Variants in ABHD2 observed in about 807,000 individuals in gnomAD.
ABHD2 encodes the protein abhydrolase domain containing 2, acylglycerol lipase.
In ABHD2, 20 loss-of-function variants were observed where a neutral mutation model predicts 48.1. The ratio of observed to expected loss-of-function variants is 0.42; its 90% CI spans 0.29 to 0.60. The LOEUF is 0.60. Ranked by LOEUF, ABHD2 falls within the 20% of genes least tolerant of loss-of-function variation. ABHD2 has a pLI of 0.24. For missense variants in ABHD2, 405 were observed against 550.9 expected (o/e 0.74, Z 2.65); for synonymous variants, 209 against 214.2 (o/e 0.98, Z 0.21).
chr15:89,188,397 C>T lies in ABHD2; in HGVS notation c.926+94C>T. 9.2e-7 allele frequency: 1 copy of T among 1,086,278 alleles called. No individual in the cohort carries two copies. The highest frequency in any genetic ancestry group is 1.4e-6 in the Non-Finnish European group (1 of 727,686). The allele number at this position is 1,086,278 out of a possible 1,614,324, so 67.3% of individuals were successfully genotyped here. A position where few individuals can be genotyped will look rare whatever the true frequency, so the allele number is the denominator to read the frequency against. ...GTGCCCAGCACTAGTGTTTGCTCTG[C>T]CTACTTGAGTGTTAAGGGTGTTTTT... On this transcript the variant is annotated intron_variant, in intron 8 of 10. Transcript: ENST00000352732. This position sits in a 1 kb window ranked among gnomAD's most constrained non-coding sequence, Gnocchi z 4.1.
chr15:89,070,597 A>C, the ABHD2 span, among the ~76,000 whole-genome samples: 2 of 152,202 alleles, frequency 1.3e-5, no homozygotes, highest in African/African-American at 4.8e-5. Context: ...ATAAACACTC[A>C]GCAGATCTGG....
chr15:89,139,005 C>T (rs1343326615), intron 3 of ABHD2, among the ~76,000 whole-genome samples: 2 of 151,204 alleles, frequency 1.3e-5, no homozygotes, highest in South Asian at 2.1e-4. Flanking sequence ...TGCTTGAGCC[C>T]GGGAGATCAA....
At chr15:89,162,135 T>A (rs1253022836) in intron 5 of ABHD2, among the ~76,000 whole-genome samples, 1 of 152,164 alleles carries the variant, frequency 6.6e-6, no homozygotes, top group East Asian at 1.9e-4. Flanking sequence ...CATTCTGAGG[T>A]ACCGGGGGTT....
In ABHD2 at chr15:89,195,512, G is replaced by A; in HGVS notation, c.*89G>A. 2.8e-6 allele frequency: 4 copies of A among 1,416,398 alleles called. No individual in the cohort carries two copies. Among genetic ancestry groups the A allele is most frequent in the Non-Finnish European group, 3.8e-6 (4 of 1,053,864 alleles). 87.7% of individuals were successfully genotyped at this position (1,416,398 alleles called of 1,614,324 possible). A position where few individuals can be genotyped will look rare whatever the true frequency, so the allele number is the denominator to read the frequency against. On this transcript the variant is annotated 3_prime_UTR_variant, in exon 11 of 11. Transcript: ENST00000352732. This position sits in a 1 kb window ranked among gnomAD's most constrained non-coding sequence, Gnocchi z 5.1. ...TTTCAGGTCTCCCATCTCCCTCAGT[G>A]ACCTGGATCTGACCTCACACCATCA... is the stretch of plus-strand genomic sequence containing the variant.
rs547626631 is a variant in ABHD2, at chr15:89,165,143, C to A, written c.538+9609C>A. On this transcript the variant is annotated intron_variant, in intron 5 of 10. Transcript: ENST00000352732. ...CAATGCTTGCTTTCCAGCTGGACAA[C>A]CTTCAGTATTGGCCTCTTGGCCAAA... Among the ~76,000 whole-genome samples, 88 of 152,358 alleles carry A rather than the reference C, an allele frequency of 5.8e-4. 1 individual carries two copies. In the South Asian group the frequency reaches 0.016, roughly 28 times the overall value.
At chr15:89,115,367 GGTATGTGTGTGTGTGTGTGTGT>G (rs1169557756) in intron 2 of ABHD2, among the ~76,000 whole-genome samples, 4,930 of 117,538 alleles carry the variant, frequency 0.042, 160 homozygotes, top group African/African-American at 0.076. Flanking sequence ...TATGTTTGGA[GGTATGTGTGTGTGTGTGTGTGT>G]GTGTGTGTGT....
At chr15:89,103,838 G>A (rs958715626) in intron 1 of ABHD2, 4 of 152,286 alleles carry the variant, frequency 2.6e-5, no homozygotes, top group Non-Finnish European at 5.9e-5. Flanking sequence ...TGGAGGCCCA[G>A]TGTTGGGCTG....
Position 89,174,815 on chromosome 15 carries a change from G to A in ABHD2, c.539-997G>A, listed in dbSNP as rs560759452. Among the ~76,000 whole-genome samples the A allele has an allele frequency of 1.5e-3, 232 of 152,250 alleles. 2 individuals are homozygous for A. The highest frequency in any genetic ancestry group is 5.1e-3 in the African/African-American group (212 of 41,538). On this transcript the variant is annotated intron_variant, in intron 5 of 10. Transcript: ENST00000352732. The surrounding 1 kb of genome is among the most constrained non-coding windows in gnomAD (Gnocchi z 4.1). ...GATGAATCCCTTCACTTGTAATATG[G>A]CCATTCACCTCCTCCTCTTAGCAAA...
At position 89,175,964 on chromosome 15, in the gene ABHD2, G is replaced by A. The variant is rs751039237; in HGVS notation, c.691G>A (p.Val231Ile). ...AAACCAAGAGAAGGTCCTGTGCTGC[G>A]TCAGCGTGTGCCAGGGGTACAGTGC... ...QANQEKVLCC[V>I]SVCQGYSALR... The change falls in exon 6 of 11, where the codon GTC becomes ATC. Residue 231 changes from valine to isoleucine, a missense_variant. Val to Ile is a conservative substitution (Grantham distance 29). Transcript: ENST00000352732. This position sits in a 1 kb window ranked among gnomAD's most constrained non-coding sequence, Gnocchi z 5.7. The A allele has an allele frequency of 1.7e-5, 28 of 1,612,442 alleles. No individual in the cohort carries two copies. The highest frequency in any genetic ancestry group is 4.4e-5 in the South Asian group (4 of 90,968).
At chr15:89,088,043 G>A (rs937308994), upstream of ABHD2, 3 of 152,256 alleles carry the variant, frequency 2.0e-5, no homozygotes, top group African/African-American at 7.2e-5. The surrounding 1 kb of genome is among the most constrained non-coding windows in gnomAD (Gnocchi z 6.8). Flanking sequence ...TCATTCCTCT[G>A]AGCCCAGTCG....
chr15:89,071,374 T>C, the ABHD2 span, among the ~76,000 whole-genome samples: 3,495 of 152,180 alleles, frequency 0.023, 136 homozygotes, highest in African/African-American at 0.078. Flanking sequence ...TGAGCCAAGA[T>C]TGTGCCTTTG....
At chr15:89,107,881 C>A (rs1287883829) in intron 1 of ABHD2, among the ~76,000 whole-genome samples, 3 of 152,192 alleles carry the variant, frequency 2.0e-5, no homozygotes, top group Non-Finnish European at 4.4e-5. Context: ...CCCCCTCCCC[C>A]AGCTGTCTGT....
In ABHD2 at chr15:89,177,683, G is replaced by A. The variant is rs1031474139; in HGVS notation, c.722+1688G>A. 3.3e-5 allele frequency among the ~76,000 whole-genome samples: 5 copies of A among 151,996 alleles called. No homozygotes were observed. The highest frequency in any genetic ancestry group is 9.7e-5 in the African/African-American group (4 of 41,364). The stretch of plus-strand genomic sequence containing the variant: ...CTCTGGACACTGGGGAGTCAGCTGA[G>A]AGGACATGTGCCTTTATCTTGGTGG... On this transcript the variant is annotated intron_variant, in intron 6 of 10. Transcript: ENST00000352732. This position sits in a 1 kb window ranked among gnomAD's most constrained non-coding sequence, Gnocchi z 5.6.
At chr15:89,125,675 G>C (rs2050120271) in intron 3 of ABHD2, among the ~76,000 whole-genome samples, 1 of 152,154 alleles carries the variant, frequency 6.6e-6, no homozygotes, top group Non-Finnish European at 1.5e-5. Flanking sequence ...GGGCAAACAG[G>C]GATAAGTTGT....
intron 5 of ABHD2, among the ~76,000 whole-genome samples, chr15:89,162,944 T>C (rs1405070428): frequency 6.6e-6 from 1 of 152,224 alleles, no homozygotes; most frequent in Non-Finnish European, 1.5e-5. Flanking sequence ...GAATGCCTAC[T>C]GAGATGGGAA....
At chr15:89,080,273 C>G in the ABHD2 span, among the ~76,000 whole-genome samples, 1 of 152,166 alleles carries the variant, frequency 6.6e-6, no homozygotes, top group South Asian at 2.1e-4. Flanking sequence ...GATACAGAGA[C>G]CTCTGAAGTT....
chr15:89,044,675 T>C, the ABHD2 span, among the ~76,000 whole-genome samples: 2 of 151,942 alleles, frequency 1.3e-5, no homozygotes, highest in African/African-American at 2.4e-5. Flanking sequence ...CATTTTTTCA[T>C]GTGTTTTTTG....
intron 4 of ABHD2, among the ~76,000 whole-genome samples, chr15:89,153,917 T>A (rs1440282687): frequency 6.6e-6 from 1 of 152,234 alleles, no homozygotes; most frequent in East Asian, 1.9e-4. Flanking sequence ...ATTTTAATAA[T>A]TGCTTAATAT....
rs4932212 is a variant in ABHD2 at position 89,174,767 on chromosome 15, G to C, written c.539-1045G>C. On this transcript the variant is annotated intron_variant, in intron 5 of 10. Transcript: ENST00000352732. This position sits in a 1 kb window ranked among gnomAD's most constrained non-coding sequence, Gnocchi z 4.1. The stretch of plus-strand genomic sequence containing the variant: ...TTTAAATTGGCTCCCTACAGAGTTT[G>C]AGGTTGGGCCTTAGAAGGATGTGAT... 0.37 allele frequency among the ~76,000 whole-genome samples: 56,608 copies of C among 152,050 alleles called. 11,397 individuals are homozygous for C. Among genetic ancestry groups the C allele is most frequent in the East Asian group, 0.8 (4,160 of 5,176 alleles).
Sources: gnomAD v4.1 joint callset for allele counts (sites outside exome capture counted in the v4.1 genomes callset) on GRCh38, gnomAD v4.1.1 for gene constraint, Gnocchi (gnomAD v3.1) non-coding constraint, MANE v1.5 for transcripts, NCBI Gene and HGNC (gene_info 2026-07-23, HGNC 2026-07-21) for gene names.